Variants in TRMT11 observed in about 807,000 individuals in gnomAD.
TRMT11 encodes the protein tRNA methyltransferase 11.
TRMT11 carries 53 observed loss-of-function variants against 62.8 expected under a neutral mutation model. That is an observed-to-expected ratio of 0.84 (90% CI 0.68 to 1.06). The LOEUF is 1.06. Among genes scored for constraint, TRMT11 ranks in the 50% least tolerant of loss-of-function variants. TRMT11 has a pLI of 0.00. For missense variants in TRMT11, 556 were observed against 553.4 expected (o/e 1.00, Z -0.05); for synonymous variants, 188 against 190.3 (o/e 0.99, Z 0.10).
the TRMT11 span, among the ~76,000 whole-genome samples, chr6:126,230,025 T>A: frequency 1.3e-5 from 2 of 152,180 alleles, no homozygotes; most frequent in African/African-American, 4.8e-5. Context: ...ATCTAACTTA[T>A]ACCAAACCTC....
At chr6:126,026,524 C>G (rs1583777231) in intron 12 of TRMT11, among the ~76,000 whole-genome samples, 1 of 151,784 alleles carries the variant, frequency 6.6e-6, no homozygotes, top group Non-Finnish European at 1.5e-5. Flanking sequence ...GTAGCTGGGA[C>G]TACAGGCGTG....
chr6:126,143,232 T>C (rs1291550926), intron 21 of TRMT11, among the ~76,000 whole-genome samples: 1 of 152,134 alleles, frequency 6.6e-6, no homozygotes, highest in Non-Finnish European at 1.5e-5. Flanking sequence ...ACAAATATAA[T>C]TGTGGGTCAC....
downstream of TRMT11, among the ~76,000 whole-genome samples, chr6:126,043,266 A>G (rs1274924143): frequency 3.0e-5 from 4 of 133,998 alleles, no homozygotes; most frequent in African/African-American, 1.1e-4. Flanking sequence ...ATGTGTTCTC[A>G]TTGTTCAATT....
chr6:126,053,336 C>T (rs538736087), intron 17 of TRMT11, among the ~76,000 whole-genome samples: 1 of 152,312 alleles, frequency 6.6e-6, no homozygotes, highest in South Asian at 2.1e-4. Context: ...TTTGCTGACC[C>T]TGGAGAGACC....
chr6:126,123,854 T>G (rs1240223547), intron 21 of TRMT11, among the ~76,000 whole-genome samples: 2 of 152,098 alleles, frequency 1.3e-5, no homozygotes, highest in African/African-American at 4.8e-5. Context: ...GGTTTGTTGT[T>G]GTTGTTCTGT....
intron 12 of TRMT11, among the ~76,000 whole-genome samples, chr6:126,035,061 A>T (rs1774919557): frequency 2.0e-5 from 3 of 152,048 alleles, no homozygotes; most frequent in Admixed American, 2.0e-4. Context: ...ACAAAAAATG[A>T]GTTTGCCATT....
At chr6:126,063,294 T>C (rs2128129564) in intron 17 of TRMT11, among the ~76,000 whole-genome samples, 1 of 152,330 alleles carries the variant, frequency 6.6e-6, no homozygotes, top group Non-Finnish European at 1.5e-5. Flanking sequence ...TGTGCATCAA[T>C]TAATATGAGA....
At chr6:125,994,594 GA>G (rs1367096708) in intron 2 of TRMT11, among the ~76,000 whole-genome samples, 7 of 151,312 alleles carry the variant, frequency 4.6e-5, no homozygotes, top group African/African-American at 1.7e-4. Context: ...AATATTGGAA[GA>G]AAAAAAACGG....
At chr6:126,222,429 AT>A in the TRMT11 span, among the ~76,000 whole-genome samples, 2 of 151,530 alleles carry the variant, frequency 1.3e-5, no homozygotes, top group African/African-American at 4.9e-5. Context: ...AACAATATTG[AT>A]TTTTCCTATC....
At chr6:126,201,077 A>G (rs1778729817) in intron 3 of TRMT11, among the ~76,000 whole-genome samples, 1 of 152,212 alleles carries the variant, frequency 6.6e-6, no homozygotes, top group South Asian at 2.1e-4. Flanking sequence ...CTCCCTGCCA[A>G]TATCATATTC....
At chr6:126,057,435 G>T (rs1487351591) in intron 17 of TRMT11, among the ~76,000 whole-genome samples, 4 of 152,180 alleles carry the variant, frequency 2.6e-5, no homozygotes, top group African/African-American at 9.7e-5. Context: ...TGTATTAGCT[G>T]CCCTATTAGG....
rs1039140978 is a variant in TRMT11, at chr6:126,008,331, T to C, written c.680-61T>C. On this transcript the variant is annotated intron_variant, in intron 7 of 12. Coordinates refer to ENST00000334379, the MANE Select transcript of TRMT11 (RefSeq NM_001031712.3). ...GTTTCTAAGACTGGATGAAGTTAAA[T>C]AGGAACAAACAGGAGTTTGGGACTT... 11 of 1,367,362 alleles carry C rather than the reference T, an allele frequency of 8.0e-6. No homozygotes were observed. The African/African-American group carries it at 8.5e-5, about 11-fold the overall frequency. The allele number at this position is 1,367,362 out of a possible 1,614,324, so 84.7% of individuals were successfully genotyped here. A position where few individuals can be genotyped will look rare whatever the true frequency, so the allele number is the denominator to read the frequency against.
chr6:126,045,930 G>T (rs1279656571), intron 16 of TRMT11, among the ~76,000 whole-genome samples: 3 of 152,006 alleles, frequency 2.0e-5, no homozygotes, highest in Non-Finnish European at 4.4e-5. Context: ...GTGGGTCTTG[G>T]TTGCTTTCAG....
intron 21 of TRMT11, among the ~76,000 whole-genome samples, chr6:126,128,331 A>C (rs1777741431): frequency 6.6e-6 from 1 of 152,128 alleles, no homozygotes; most frequent in Non-Finnish European, 1.5e-5. Context: ...TAGAGAAAAG[A>C]TATAAATATT....
intron 12 of TRMT11, among the ~76,000 whole-genome samples, chr6:126,026,677 G>T (rs963336266): frequency 6.6e-6 from 1 of 151,990 alleles, no homozygotes; most frequent in Non-Finnish European, 1.5e-5. Context: ...GAGCCATCGC[G>T]CCCGGCTCTA....
In TRMT11 at chr6:126,160,673, C is replaced by T. The variant is rs151213155; in HGVS notation, c.*1824-14152C>T. Among the ~76,000 whole-genome samples, 650 of 152,270 alleles carry T rather than the reference C, an allele frequency of 4.3e-3. 3 individuals carry two copies. The highest frequency in any genetic ancestry group is 0.015 in the African/African-American group (615 of 41,546). ...CTTGACCAGCATTACTTCCTTTTCTCTTGACCCTCCTGCTTACCACCCTCA... is the reference window on the plus strand; with the variant it reads ...CTTGACCAGCATTACTTCCTTTTCTTTTGACCCTCCTGCTTACCACCCTCA... On this transcript the variant is annotated intron_variant and NMD_transcript_variant, in intron 21 of 22. Coordinates refer to the TRMT11 transcript ENST00000648977.
At chr6:126,010,534 A>G (rs1042794663) in intron 8 of TRMT11, among the ~76,000 whole-genome samples, 11 of 152,106 alleles carry the variant, frequency 7.2e-5, no homozygotes, top group African/African-American at 2.2e-4. Flanking sequence ...GAGTCAGTAT[A>G]AGATTATATG....
At chr6:126,196,942 T>C (rs1315699604) in intron 1 of TRMT11, among the ~76,000 whole-genome samples, 4 of 152,152 alleles carry the variant, frequency 2.6e-5, no homozygotes, top group Admixed American at 2.6e-4. Context: ...ATTTTAGATA[T>C]CAACTTAAAA....
chr6:126,078,538 C>A (rs551537306), intron 17 of TRMT11, among the ~76,000 whole-genome samples: 2 of 152,086 alleles, frequency 1.3e-5, no homozygotes, highest in Admixed American at 1.3e-4. Context: ...AATCAAGCAA[C>A]GCCTCTGTTG....
Sources: allele counts gnomAD v4.1 joint callset (sites outside exome capture counted in the v4.1 genomes callset), GRCh38; gene constraint gnomAD v4.1.1; transcripts MANE v1.5; gene names NCBI Gene and HGNC (gene_info 2026-07-23, HGNC 2026-07-21).